ZNF609: variants seen among roughly 807,000 people sequenced by gnomAD.
ZNF609 encodes the protein zinc finger protein 609.
In ZNF609, 11 loss-of-function variants were observed where a neutral mutation model predicts 109.5. That is an observed-to-expected ratio of 0.10 (90% CI 0.06 to 0.17). ZNF609 has a LOEUF of 0.17. Among genes scored for constraint, ZNF609 ranks in the 10% least tolerant of loss-of-function variants. The probability of loss-of-function intolerance (pLI) is 1.00; values close to 1 mark genes in which losing one functional copy is unlikely to be tolerated. For missense variants in ZNF609, 1,559 were observed against 1,772.4 expected (o/e 0.88, Z 2.16); for synonymous variants, 646 against 662.0 (o/e 0.98, Z 0.37).
chr15:64,607,167 A>C (rs796368770), intron 2 of ZNF609, among the ~76,000 whole-genome samples: 21 of 68,994 alleles, frequency 3.0e-4, no homozygotes, highest in African/African-American at 8.4e-4. Context: ...ATAAAGTAAA[A>C]AATAAATAAA....
Position 64,680,783 on chromosome 15 carries a change from C to A in ZNF609, c.4083C>A (p.Arg1361=). The part of the protein sequence containing the change: ...VDRPRTSPSQ[R]LMSTHHHHHH... ...GGCCCCGCACCTCTCCTTCCCAGCG[C>A]CTGATGTCCACACACCACCACCACC... Residue 1361 remains arginine (R), a synonymous_variant, in exon 8 of 10, where the codon CGC becomes CGA. Coordinates refer to ENST00000326648, the MANE Select transcript of ZNF609 (RefSeq NM_015042.2). The A allele has an allele frequency of 3.1e-6, 5 of 1,613,632 alleles. No individual in the cohort carries two copies. The highest frequency in any genetic ancestry group is 4.2e-6 in the Non-Finnish European group (5 of 1,179,988).
At chr15:64,636,725 G>A (rs1403567017) in intron 3 of ZNF609, among the ~76,000 whole-genome samples, 1 of 152,160 alleles carries the variant, frequency 6.6e-6, no homozygotes, top group Non-Finnish European at 1.5e-5. Context: ...TCTGCCATGT[G>A]CTGTTGCCTT....
At chr15:64,578,853 A>G (rs527861731) in intron 2 of ZNF609, among the ~76,000 whole-genome samples, 5 of 152,154 alleles carry the variant, frequency 3.3e-5, no homozygotes, top group Admixed American at 1.3e-4. Flanking sequence ...TACAAAAACT[A>G]TATGGGTATG....
chr15:64,479,283 GA>G (rs1893214702), intron 1 of ZNF609, among the ~76,000 whole-genome samples: 1 of 64,358 alleles, frequency 1.6e-5, no homozygotes, highest in Non-Finnish European at 3.1e-5. Flanking sequence ...GTACCTGTGT[GA>G]TTTTTTTTTT....
intron 1 of ZNF609, among the ~76,000 whole-genome samples, chr15:64,481,719 T>C (rs1292357063): frequency 1.3e-5 from 2 of 152,162 alleles, no homozygotes; most frequent in Non-Finnish European, 2.9e-5. Flanking sequence ...AGAAATTAGG[T>C]GAATAAAAGA....
intron 2 of ZNF609, among the ~76,000 whole-genome samples, chr15:64,587,013 T>A (rs1019640308): frequency 6.6e-6 from 1 of 152,220 alleles, no homozygotes; most frequent in Non-Finnish European, 1.5e-5. Flanking sequence ...TAAGTTGTTA[T>A]CTCTGCCTGT....
chr15:64,643,832 A>C (rs1567037633), intron 3 of ZNF609: 1 of 152,296 alleles, frequency 6.6e-6, no homozygotes, highest in African/African-American at 2.4e-5. Flanking sequence ...GTGGTGGCTC[A>C]TGCCTGTAAT....
At chr15:64,484,544 C>T (rs927665478) in intron 1 of ZNF609, among the ~76,000 whole-genome samples, 4 of 151,342 alleles carry the variant, frequency 2.6e-5, no homozygotes, top group Admixed American at 6.6e-5. Context: ...GGCGTGGTGG[C>T]GCGTGCCTGT....
At chr15:64,533,057 C>CT (rs796998997) in intron 2 of ZNF609, among the ~76,000 whole-genome samples, 178 of 144,258 alleles carry the variant, frequency 1.2e-3, no homozygotes, top group African/African-American at 2.7e-3. Flanking sequence ...ATAATTGCTG[C>CT]TTTTTTTTTT....
chr15:64,537,154 T>C (rs113812421), intron 2 of ZNF609, among the ~76,000 whole-genome samples: 15,111 of 138,852 alleles, frequency 0.11, 982 homozygotes, highest in African/African-American at 0.21. Context: ...ACCTGGGAGG[T>C]GGAGATTACA....
At chr15:64,650,946 T>C (rs1896407359) in intron 3 of ZNF609, among the ~76,000 whole-genome samples, 1 of 152,130 alleles carries the variant, frequency 6.6e-6, no homozygotes, top group South Asian at 2.1e-4. Flanking sequence ...ATAAAAATGT[T>C]TGTTACTGGC....
chr15:64,478,936 G>A (rs1278362444), intron 1 of ZNF609, among the ~76,000 whole-genome samples: 1 of 152,142 alleles, frequency 6.6e-6, no homozygotes, highest in Non-Finnish European at 1.5e-5. Flanking sequence ...TTCTTTAGTG[G>A]TTGAAAGGAT....
chr15:64,521,025 C>A lies in ZNF609; in HGVS notation c.747+20859C>A, dbSNP rs191079272. 8.2e-4 allele frequency among the ~76,000 whole-genome samples: 125 copies of A among 152,122 alleles called. 1 individual carries two copies. Among genetic ancestry groups the A allele is most frequent in the African/African-American group, 3.0e-3 (124 of 41,508 alleles). On this transcript the variant is annotated intron_variant, in intron 2 of 9. Coordinates refer to ENST00000326648, the MANE Select transcript of ZNF609 (RefSeq NM_015042.2). ...ACTTTTAATTTAAAATCTTTCCGTT[C>A]TTCTTTACTTTGTACAGGTGGGTAG...
intron 3 of ZNF609, among the ~76,000 whole-genome samples, chr15:64,637,996 A>ATT (rs1567036303): frequency 7.4e-6 from 1 of 135,366 alleles, no homozygotes; most frequent in Non-Finnish European, 1.6e-5. Flanking sequence ...ACCTTGTTTT[A>ATT]TATATATATA....
chr15:64,668,754 G>A (rs7169694), intron 3 of ZNF609, among the ~76,000 whole-genome samples: 3,414 of 152,050 alleles, frequency 0.022, 127 homozygotes, highest in African/African-American at 0.079. Context: ...GGGAGATTGA[G>A]ACCAGCCTGA....
intron 2 of ZNF609, among the ~76,000 whole-genome samples, chr15:64,529,824 G>T (rs1419474061): frequency 6.6e-6 from 1 of 152,168 alleles, no homozygotes; most frequent in Non-Finnish European, 1.5e-5. Context: ...TCTGCCTCCT[G>T]GGTTTGAGTG....
intron 2 of ZNF609, among the ~76,000 whole-genome samples, chr15:64,524,601 CTCCTT>C (rs889246183): frequency 1.3e-5 from 2 of 151,042 alleles, no homozygotes; most frequent in African/African-American, 4.9e-5. Context: ...TTGTGTCTGA[CTCCTT>C]TCACTTAGCA....
intron 1 of ZNF609, among the ~76,000 whole-genome samples, chr15:64,474,576 C>T (rs1279463781): frequency 2.6e-5 from 4 of 151,896 alleles, no homozygotes; most frequent in African/African-American, 9.7e-5. Flanking sequence ...TGGTTATTGC[C>T]TTTTTTTGTA....
intron 3 of ZNF609, among the ~76,000 whole-genome samples, chr15:64,639,516 C>G (rs141976513): frequency 2.4e-4 from 37 of 152,276 alleles, no homozygotes; most frequent in African/African-American, 8.9e-4. Context: ...GCTGCATCAT[C>G]CCAGTCACAT....
Sources: gnomAD v4.1 joint callset for allele counts (sites outside exome capture counted in the v4.1 genomes callset) on GRCh38, gnomAD v4.1.1 for gene constraint, MANE v1.5 for transcripts, NCBI Gene and HGNC (gene_info 2026-07-23, HGNC 2026-07-21) for gene names.